NSF: variants seen among roughly 807,000 people sequenced by gnomAD.
The protein encoded by NSF is vesicle-fusing ATPase.
A neutral mutation model predicts 50.3 loss-of-function variants in NSF; 14 were observed. That is an observed-to-expected ratio of 0.28 (90% confidence interval 0.18 to 0.44). The LOEUF is 0.44. Among genes scored for constraint, NSF ranks in the 20% least tolerant of loss-of-function variants. The probability of loss-of-function intolerance (pLI) is 1.00; values close to 1 mark genes in which losing one functional copy is unlikely to be tolerated. For missense variants in NSF, 218 were observed against 504.3 expected (o/e 0.43, Z 5.44); for synonymous variants, 109 against 175.7 (o/e 0.62, Z 3.00).
At chr17:46,752,975 G>A (rs891305531) in intron 19 of NSF, among the ~76,000 whole-genome samples, 3 of 152,064 alleles carry the variant, frequency 2.0e-5, no homozygotes, top group African/African-American at 7.3e-5. Context: ...CACCATGTTG[G>A]CCAAGCCGGT....
chr17:46,728,753 G>A lies in NSF; in HGVS notation c.1829-102G>A, dbSNP rs1414981623. On this transcript the variant is annotated intron_variant, in intron 16 of 20. Transcript: ENST00000398238. ...TCTATACATATTCTGCTTATGTAGG[G>A]ACTGTGTTTACTTTTGATGCAAAAA... 13 of 687,862 alleles carry A rather than the reference G, an allele frequency of 1.9e-5. No homozygotes were observed. In the Admixed American group the frequency reaches 3.4e-4, roughly 18 times the overall value. 42.6% of individuals were successfully genotyped at this position (687,862 alleles called of 1,614,324 possible).
At chr17:46,746,323 T>G (rs1311728743) in intron 17 of NSF, among the ~76,000 whole-genome samples, 1 of 152,238 alleles carries the variant, frequency 6.6e-6, no homozygotes, top group African/African-American at 2.4e-5. Context: ...GGGTCTCAAC[T>G]TTGTTTCTTT....
intron 15 of NSF, 118 bp from the exon 16 acceptor site, chr17:46,726,431 A>G: frequency 1.1e-6 from 1 of 900,968 alleles, no homozygotes; most frequent in East Asian, 2.4e-5. Flanking sequence ...ATTGTAGTCC[A>G]AAGTGTTGGT....
In NSF at chr17:46,691,488, A is replaced by C. The variant is rs1428148602; in HGVS notation, c.946-1415A>C. ...CACATGCCTACAATCCCAGCTACTC[A>C]GGAAGCTGAGACAGGAGAATCACTT... On this transcript the variant is annotated intron_variant, in intron 9 of 20. Coordinates refer to ENST00000398238, the MANE Select transcript of NSF (RefSeq NM_006178.4). Among the ~76,000 whole-genome samples the C allele has an allele frequency of 2.2e-5, 3 of 135,578 alleles. No individual in the cohort carries two copies. In the East Asian group the frequency reaches 7.5e-4, roughly 34 times the overall value. The allele number at this position is 135,578 out of a possible 152,430, so 88.9% of individuals were successfully genotyped here.
chr17:46,659,688 A>G (rs1282797416), intron 8 of NSF, among the ~76,000 whole-genome samples: 1 of 142,728 alleles, frequency 7.0e-6, no homozygotes, highest in Non-Finnish European at 1.5e-5. Flanking sequence ...AAATGCATAT[A>G]GCTCTACGAG....
intron 15 of NSF, among the ~76,000 whole-genome samples, chr17:46,717,331 A>G (rs2058782669): frequency 6.6e-6 from 1 of 152,228 alleles, no homozygotes; most frequent in Non-Finnish European, 1.5e-5. Context: ...GATGGTTATC[A>G]GAGGCTGGGA....
intron 17 of NSF, among the ~76,000 whole-genome samples, chr17:46,741,772 T>TGTC (rs2059074465): frequency 6.6e-6 from 1 of 151,022 alleles, no homozygotes; most frequent in African/African-American, 2.4e-5. Context: ...TTTTTGTTTT[T>TGTC]GTTGTTGTTG....
At chr17:46,694,373 C>T (rs1204716741) in intron 11 of NSF, 102 bp from the exon 12 acceptor site, 20 of 870,720 alleles carry the variant, frequency 2.3e-5, no homozygotes, top group Non-Finnish European at 3.2e-5. Context: ...GGAAACAGAG[C>T]GAGACTCTGT....
intron 13 of NSF, among the ~76,000 whole-genome samples, chr17:46,710,288 G>A (rs1012516540): frequency 3.3e-5 from 5 of 152,098 alleles, no homozygotes; most frequent in Admixed American, 3.3e-4. Flanking sequence ...TTTGATGGGA[G>A]GTATAACCTT....
rs1193927686 is a variant in NSF, at chr17:46,742,130, G to A, written c.1909-7643G>A. Reference sequence around the variant, plus strand: ...TCTTTCCTCTGCTAGAGAAGTCTGTGTTATCCAGTCAATAGCTAATCAATT... The same window carrying A: ...TCTTTCCTCTGCTAGAGAAGTCTGTATTATCCAGTCAATAGCTAATCAATT... On this transcript the variant is annotated intron_variant, in intron 17 of 20. Transcript: ENST00000398238. Among the ~76,000 whole-genome samples the A allele has an allele frequency of 2.0e-5, 3 of 152,190 alleles. No individual in the cohort carries two copies. In the East Asian group the frequency reaches 5.8e-4, roughly 29 times the overall value.
At chr17:46,708,271 CG>C (rs1951458372) in intron 13 of NSF, among the ~76,000 whole-genome samples, 1 of 151,996 alleles carries the variant, frequency 6.6e-6, no homozygotes, top group African/African-American at 2.4e-5. Context: ...ACCACCATAC[CG>C]TTTTCCACGG....
At chr17:46,746,517 G>A (rs1350602680) in intron 17 of NSF, among the ~76,000 whole-genome samples, 1 of 152,094 alleles carries the variant, frequency 6.6e-6, no homozygotes, top group Non-Finnish European at 1.5e-5. Context: ...TTATTTTAAT[G>A]TTCTGAATTT....
intron 8 of NSF, among the ~76,000 whole-genome samples, chr17:46,661,412 TTGAG>T (rs1464492555): frequency 7.2e-5 from 7 of 97,040 alleles, no homozygotes; most frequent in Admixed American, 2.4e-4. Context: ...ATTATTATTT[TTGAG>T]ATGGAGTCTC....
intron 13 of NSF, among the ~76,000 whole-genome samples, chr17:46,709,215 T>G (rs1257215044): frequency 6.6e-6 from 1 of 152,184 alleles, no homozygotes; most frequent in Non-Finnish European, 1.5e-5. Flanking sequence ...ATTACTATTG[T>G]GACTTTTAAA....
intron 8 of NSF, among the ~76,000 whole-genome samples, chr17:46,649,198 AT>A (rs1403714740): frequency 3.4e-5 from 4 of 117,604 alleles, no homozygotes; most frequent in African/African-American, 1.5e-4. Context: ...AAAGGCCTGG[AT>A]TCCAAGGGCT....
intron 17 of NSF, among the ~76,000 whole-genome samples, chr17:46,743,469 A>G (rs753131192): frequency 1.3e-5 from 2 of 152,106 alleles, no homozygotes; most frequent in Non-Finnish European, 2.9e-5. Context: ...TTCTCATCGC[A>G]TATTTATGGT....
At chr17:46,720,205 C>T (rs2058815253) in intron 15 of NSF, among the ~76,000 whole-genome samples, 1 of 152,126 alleles carries the variant, frequency 6.6e-6, no homozygotes, top group Admixed American at 6.5e-5. Context: ...GAAGTTTTTG[C>T]ATATATTAGC....
At chr17:46,725,897 G>A (rs566425928) in intron 15 of NSF, among the ~76,000 whole-genome samples, 1 of 152,296 alleles carries the variant, frequency 6.6e-6, no homozygotes, top group Non-Finnish European at 1.5e-5. Flanking sequence ...TCAACTTGCA[G>A]ATAAGCTAAT....
Position 46,755,974 on chromosome 17 carries a change from C to A in NSF, c.*151C>A. On this transcript the variant is annotated 3_prime_UTR_variant, in exon 21 of 21. Transcript: ENST00000398238. ...GCTCTGCATGATTAGTGCAATAAAA[C>A]TCCCTTCCTTATGCATACTGAGATA... is the stretch of plus-strand genomic sequence containing the variant. 1 of 708,590 alleles carries A rather than the reference C, an allele frequency of 1.4e-6. No homozygotes were observed. The highest frequency in any genetic ancestry group is 2.0e-5 in the South Asian group (1 of 50,412). 43.9% of individuals were successfully genotyped at this position (708,590 alleles called of 1,614,324 possible). A position where few individuals can be genotyped will look rare whatever the true frequency, so the allele number is the denominator to read the frequency against.
Sources: allele counts gnomAD v4.1 joint callset (sites outside exome capture counted in the v4.1 genomes callset), GRCh38; gene constraint gnomAD v4.1.1; transcripts MANE v1.5; gene names NCBI Gene and HGNC (gene_info 2026-07-23, HGNC 2026-07-21).